CPEB1: variants seen among roughly 807,000 people sequenced by gnomAD.
The protein encoded by CPEB1 is cytoplasmic polyadenylation element-binding protein 1.
CPEB1 carries 7 observed loss-of-function variants against 65.8 expected under a neutral mutation model. The observed-to-expected ratio is 0.11, with a 90% CI of 0.06 to 0.20. The LOEUF is 0.20. Among genes scored for constraint, CPEB1 ranks in the 10% least tolerant of loss-of-function variants. The pLI is 1.00. For missense variants in CPEB1, 551 were observed against 712.2 expected, an observed-to-expected ratio of 0.77 and a Z score of 2.58; for synonymous variants, 262 against 260.0, an observed-to-expected ratio of 1.01 and a Z score of -0.08.
intron 3 of CPEB1, among the ~76,000 whole-genome samples, chr15:82,614,879 G>GTGTGTGTGTGTA (rs368957489): frequency 5.3e-5 from 6 of 113,196 alleles, no homozygotes; most frequent in African/African-American, 1.7e-4. Context: ...GTGTGTGTGT[G>GTGTGTGTGTGTA]TATATATATA....
At chr15:82,648,620 C>T (rs1352783025), upstream of CPEB1, 2 of 152,404 alleles carry the variant, frequency 1.3e-5, no homozygotes, top group African/African-American at 4.8e-5. Flanking sequence ...GGCGAGGGCT[C>T]CAGGGCAGGC....
At chr15:82,609,818 T>C (rs902858746) in intron 3 of CPEB1, among the ~76,000 whole-genome samples, 4 of 152,080 alleles carry the variant, frequency 2.6e-5, no homozygotes, top group Non-Finnish European at 4.4e-5. Context: ...CCCAGCACTT[T>C]GGGAGGCTGA....
In CPEB1 at chr15:82,544,293, TTC is replaced by T. The variant is rs2034789641; in HGVS notation, c.*297_*298del. The T allele has an allele frequency of 1.3e-5, 3 of 233,928 alleles. No homozygotes were observed. Among genetic ancestry groups the T allele is most frequent in the Admixed American group, 5.5e-5 (1 of 18,322 alleles). The allele number at this position is 233,928 out of a possible 1,614,324, so 14.5% of individuals were successfully genotyped here. A position where few individuals can be genotyped will look rare whatever the true frequency, so the allele number is the denominator to read the frequency against. Reference sequence around the variant, plus strand: ...CGTAGTTTTTTTTTTTTTTTTTTTTTTCCCCGCTTTTCATCTGCAAAATGAGG... The same window carrying T: ...CGTAGTTTTTTTTTTTTTTTTTTTTTCCCGCTTTTCATCTGCAAAATGAGG... On this transcript the variant is annotated 3_prime_UTR_variant, in exon 13 of 13. Transcript: ENST00000684509.
Position 82,584,903 on chromosome 15 carries a change from C to CTTTTTTTTTTTTTT in CPEB1, c.272-13385_272-13372dup, listed in dbSNP as rs3080692. 3.0e-3 allele frequency among the ~76,000 whole-genome samples: 242 copies of CTTTTTTTTTTTTTT among 81,730 alleles called. 55 individuals carry two copies. Among genetic ancestry groups the CTTTTTTTTTTTTTT allele is most frequent in the African/African-American group, 0.013 (212 of 16,866 alleles). 53.6% of individuals were successfully genotyped at this position (81,730 alleles called of 152,430 possible). A position where few individuals can be genotyped will look rare whatever the true frequency, so the allele number is the denominator to read the frequency against. On this transcript the variant is annotated intron_variant, in intron 3 of 12. Transcript: ENST00000684509. ...GACATAATTTTTTTTTCCTAATTTG[C>CTTTTTTTTTTTTTT]TTTTTTTTTTTTTTTTTTTACAGTG...
intron 1 of CPEB1, among the ~76,000 whole-genome samples, chr15:82,633,899 C>CTT (rs2046451479): frequency 1.3e-5 from 2 of 151,654 alleles, no homozygotes; most frequent in African/African-American, 4.8e-5. Context: ...AGAACACAGG[C>CTT]TTTGCAATAC....
At chr15:82,565,447 AAGG>A (rs2038967462) in intron 4 of CPEB1, among the ~76,000 whole-genome samples, 1 of 152,204 alleles carries the variant, frequency 6.6e-6, no homozygotes, top group African/African-American at 2.4e-5. Flanking sequence ...ATCAGAAGGA[AAGG>A]AGCAAAATAG....
At chr15:82,617,468 A>C (rs1225494126) in intron 3 of CPEB1, among the ~76,000 whole-genome samples, 1 of 152,202 alleles carries the variant, frequency 6.6e-6, no homozygotes, top group Non-Finnish European at 1.5e-5. Context: ...AAACTGCCAC[A>C]GTCTGGAGGA....
intron 3 of CPEB1, among the ~76,000 whole-genome samples, chr15:82,609,084 T>TC (rs1187379252): frequency 5.3e-5 from 8 of 152,326 alleles, no homozygotes; most frequent in African/African-American, 1.9e-4. Flanking sequence ...AACATACTCT[T>TC]CATCAATGGA....
intron 3 of CPEB1, among the ~76,000 whole-genome samples, chr15:82,602,522 C>CA (rs762123206): frequency 2.0e-4 from 30 of 152,090 alleles, no homozygotes; most frequent in Non-Finnish European, 3.1e-4. Flanking sequence ...ACCTTAGTGA[C>CA]AGGGCAAGAT....
intron 1 of CPEB1, among the ~76,000 whole-genome samples, chr15:82,633,588 G>A (rs2046428573): frequency 6.6e-6 from 1 of 152,076 alleles, no homozygotes; most frequent in Non-Finnish European, 1.5e-5. Flanking sequence ...GGCCAGGCTG[G>A]TCTCAAACTC....
chr15:82,549,425 A>G (rs1461661553), intron 10 of CPEB1, 35 bp downstream of exon 10: 1 of 1,612,568 alleles, frequency 6.2e-7, no homozygotes, highest in African/African-American at 1.3e-5. Context: ...CCCAGGGGCC[A>G]ACCAAGCTTT....
intron 3 of CPEB1, among the ~76,000 whole-genome samples, chr15:82,594,968 G>A (rs1406962509): frequency 2.0e-5 from 3 of 152,144 alleles, no homozygotes; most frequent in Non-Finnish European, 4.4e-5. Context: ...TTTGTGGCAT[G>A]CCAAAACAAT....
intron 1 of CPEB1, among the ~76,000 whole-genome samples, chr15:82,631,489 T>C (rs545928690): frequency 1.2e-4 from 19 of 152,184 alleles, no homozygotes; most frequent in South Asian, 4.1e-4. Flanking sequence ...TTGTGTACAA[T>C]AGGGATAAAA....
intron 8 of CPEB1, 132 bp downstream of exon 8, chr15:82,553,335 G>T (rs1052573054): frequency 3.7e-4 from 244 of 663,604 alleles, no homozygotes; most frequent in African/African-American, 3.6e-3. Context: ...CAGATGGCAG[G>T]TCTGTGCCCT....
intron 3 of CPEB1, among the ~76,000 whole-genome samples, chr15:82,599,039 C>T (rs1186660112): frequency 6.6e-6 from 1 of 151,968 alleles, no homozygotes; most frequent in Non-Finnish European, 1.5e-5. Context: ...AATAATAATT[C>T]CCCCAAAGAT....
intron 3 of CPEB1, among the ~76,000 whole-genome samples, chr15:82,618,492 A>C (rs2151283616): frequency 6.6e-6 from 1 of 152,338 alleles, no homozygotes; most frequent in South Asian, 2.1e-4. Context: ...GCCTAGATCC[A>C]AATCTCTCCA....
chr15:82,561,133 A>G (rs773760515), intron 4 of CPEB1, among the ~76,000 whole-genome samples: 28 of 152,242 alleles, frequency 1.8e-4, no homozygotes, highest in Non-Finnish European at 3.5e-4. Flanking sequence ...GAAGATTAAG[A>G]GCTCTGAGGA....
chr15:82,647,639 CAAAGGCCCTG>C (rs896730543), upstream of CPEB1: 289 of 351,478 alleles, frequency 8.2e-4, no homozygotes, highest in Non-Finnish European at 1.2e-3. Flanking sequence ...CCTTTAAGCC[CAAAGGCCCTG>C]AGTCACGAGG....
At chr15:82,628,688 C>T in intron 1 of CPEB1, 132 bp from the exon 2 acceptor site, 1 of 504,286 alleles carries the variant, frequency 2.0e-6, no homozygotes, top group Non-Finnish European at 3.5e-6. Context: ...TACATCCGCT[C>T]CACATCCTTC....
Sources: gnomAD v4.1 joint callset for allele counts (sites outside exome capture counted in the v4.1 genomes callset) on GRCh38, gnomAD v4.1.1 for gene constraint, MANE v1.5 for transcripts, NCBI Gene and HGNC (gene_info 2026-07-23, HGNC 2026-07-21) for gene names.